ADCY3: variants seen among roughly 807,000 people sequenced by gnomAD.
ADCY3 encodes the protein adenylate cyclase 3, also known as adenylate cyclase type 3.
A neutral mutation model predicts 119.4 loss-of-function variants in ADCY3; 70 were observed. The observed-to-expected ratio is 0.59, with a 90% CI of 0.48 to 0.72. The LOEUF (loss-of-function observed/expected upper bound fraction) is 0.72, where lower values mean the gene tolerates loss of function less well. ADCY3 is among the 30% of genes least tolerant of loss of function. The probability of loss-of-function intolerance (pLI) is 0.00; values close to 1 mark genes in which losing one functional copy is unlikely to be tolerated. For missense variants in ADCY3, 1,238 were observed against 1,541.6 expected (o/e 0.80, Z 3.30); for synonymous variants, 672 against 621.4 (o/e 1.08, Z -1.21).
At chr2:24,850,043 C>T (rs1672113206) in intron 3 of ADCY3, among the ~76,000 whole-genome samples, 1 of 152,126 alleles carries the variant, frequency 6.6e-6, no homozygotes, top group African/African-American at 2.4e-5. Flanking sequence ...CTTCTCGGTA[C>T]CCCTCCCTGT....
At chr2:24,863,913 G>T (rs1673982415) in intron 3 of ADCY3, among the ~76,000 whole-genome samples, 1 of 152,106 alleles carries the variant, frequency 6.6e-6, no homozygotes, top group Non-Finnish European at 1.5e-5. Flanking sequence ...AAAGCAATGA[G>T]GTATTTTCTA....
At chr2:24,859,134 T>C (rs376022154) in intron 3 of ADCY3, among the ~76,000 whole-genome samples, 1 of 152,224 alleles carries the variant, frequency 6.6e-6, no homozygotes, top group Non-Finnish European at 1.5e-5. Flanking sequence ...TGGGTGGTTC[T>C]GTGAAGAAGA....
chr2:24,861,250 CAAAAAAA>C (rs67641689), intron 3 of ADCY3, among the ~76,000 whole-genome samples: 2 of 113,424 alleles, frequency 1.8e-5, no homozygotes, highest in African/African-American at 6.4e-5. Flanking sequence ...GACTCCATCT[CAAAAAAA>C]AAAAAAAAAA....
At chr2:24,831,925 C>T (rs567264257) in intron 11 of ADCY3, among the ~76,000 whole-genome samples, 176 bp from the exon 12 acceptor site, 2,122 of 30,200 alleles carry the variant, frequency 0.07, 91 homozygotes, top group African/African-American at 0.17. Flanking sequence ...CAGGGGACAG[C>T]GGACAGTGGC....
Position 24,827,607 on chromosome 2 carries a change from A to G in ADCY3, c.2434T>C (p.Leu812=). 1 of 1,584,516 alleles carries G rather than the reference A, an allele frequency of 6.3e-7. No individual in the cohort carries two copies. The highest frequency in any genetic ancestry group is 1.3e-5 in the African/African-American group (1 of 74,466). ...ATCTGCTCTAAGGCCACCATAGGTAAGCTGTTGGACAGATAACAGCACAGT... is the reference window on the plus strand; with the variant it reads ...ATCTGCTCTAAGGCCACCATAGGTAGGCTGTTGGACAGATAACAGCACAGT... The part of the protein sequence containing the change: ...YDHKRFREHD[L]PMVALEQMQG... The change falls in exon 15 of 22, where the codon TTA becomes CTA. Residue 812 remains leucine (L), a splice_region_variant and synonymous_variant. Coordinates refer to ENST00000679454, the MANE Select transcript of ADCY3 (RefSeq NM_004036.5).
In ADCY3 at chr2:24,841,417, G is replaced by GC. The variant is rs1340830281; in HGVS notation, c.1069-32dup. 4 of 1,608,094 alleles carry GC rather than the reference G, an allele frequency of 2.5e-6. No homozygotes were observed. Among genetic ancestry groups the GC allele is most frequent in the Admixed American group, 1.7e-5 (1 of 59,188 alleles). Reference sequence around the variant, plus strand: ...AGGGGAGGGCCTGGCCTGTGCTCCAGCCCCTCCTCAGTGAGGGAGGAGTGG... The same window carrying GC: ...AGGGGAGGGCCTGGCCTGTGCTCCAGCCCCCTCCTCAGTGAGGGAGGAGTGG... On this transcript the variant is annotated intron_variant, in intron 5 of 21. Transcript: ENST00000679454. The surrounding 1 kb of genome is among the most constrained non-coding windows in gnomAD (Gnocchi z 5.8).
chr2:24,916,727 T>G (rs55701159), intron 2 of ADCY3, among the ~76,000 whole-genome samples: 15,864 of 151,270 alleles, frequency 0.1, 884 homozygotes, highest in South Asian at 0.19. Context: ...CCTGAAGAGA[T>G]ATGACTGGTG....
At chr2:24,862,545 C>CAAAA (rs3037308) in intron 3 of ADCY3, among the ~76,000 whole-genome samples, 6 of 139,368 alleles carry the variant, frequency 4.3e-5, no homozygotes, top group African/African-American at 1.6e-4. Flanking sequence ...GACTCCGCCT[C>CAAAA]AAAAAAAAAA....
At chr2:24,864,231 G>A (rs186009492) in intron 3 of ADCY3, among the ~76,000 whole-genome samples, 7 of 152,336 alleles carry the variant, frequency 4.6e-5, no homozygotes, top group Admixed American at 1.3e-4. Flanking sequence ...GGAAGCTGCA[G>A]TGAGCTGAGA....
chr2:24,859,445 G>A (rs943491888), intron 3 of ADCY3, among the ~76,000 whole-genome samples: 32 of 152,168 alleles, frequency 2.1e-4, no homozygotes, highest in African/African-American at 7.7e-4. Context: ...AGGCCAAGAG[G>A]CAACTGGCCT....
In ADCY3 at chr2:24,898,754, C is replaced by T. The variant is rs1009329319; in HGVS notation, c.675+19559G>A. 2.0e-5 allele frequency among the ~76,000 whole-genome samples: 3 copies of T among 152,212 alleles called. No individual in the cohort carries two copies. The highest frequency in any genetic ancestry group is 2.1e-4 in the South Asian group (1 of 4,820). On this transcript the variant is annotated intron_variant, in intron 2 of 21. Coordinates refer to ENST00000679454, the MANE Select transcript of ADCY3 (RefSeq NM_004036.5). The surrounding 1 kb of genome is among the most constrained non-coding windows in gnomAD (Gnocchi z 4.3). ...CTTGCCTGGGGAAGCCTGGGAGGTT[C>T]GGGGAAGCAAACAGAATTCCTAAGA...
At chr2:24,831,128 G>A (rs1156825137) in intron 12 of ADCY3, among the ~76,000 whole-genome samples, 10 of 152,054 alleles carry the variant, frequency 6.6e-5, no homozygotes, top group South Asian at 2.1e-4. Context: ...AGGGCTGCTC[G>A]TCTCTGGCCA....
rs1034235872 is a variant in ADCY3 at position 24,841,865 on chromosome 2, T to G, written c.957-198A>C. Reference sequence around the variant, plus strand: ...GACCTTGCACTTGTCCTAGCAGACTTCCCCTGCAGGCCTCCCTCCCTGTGG... The same window carrying G: ...GACCTTGCACTTGTCCTAGCAGACTGCCCCTGCAGGCCTCCCTCCCTGTGG... On this transcript the variant is annotated intron_variant, in intron 4 of 21. Coordinates refer to ENST00000679454, the MANE Select transcript of ADCY3 (RefSeq NM_004036.5). The surrounding 1 kb of genome is among the most constrained non-coding windows in gnomAD (Gnocchi z 5.8). 5.3e-5 allele frequency among the ~76,000 whole-genome samples: 8 copies of G among 152,010 alleles called. No individual in the cohort carries two copies. Among genetic ancestry groups the G allele is most frequent in the African/African-American group, 1.7e-4 (7 of 41,360 alleles).
Position 24,918,828 on chromosome 2 carries a change from G to A in ADCY3, c.160C>T (p.Arg54Trp). ...GSCLCLPRFM[R>W]LTFVPESLEN... ...AAGGACTCCGGCACGAAAGTCAGCC[G>A]CATGAAGCGAGGCAGGCACAGGCAG... The change falls in exon 2 of 22, where the codon CGG becomes TGG. Residue 54 changes from arginine (R) to tryptophan (W), a missense_variant. Around this residue, in one of 7 missense-constraint regions of ADCY3, gnomAD observed 227 missense variants for 249.3 expected, o/e 0.91. Coordinates refer to ENST00000679454, the MANE Select transcript of ADCY3 (RefSeq NM_004036.5). This position sits in a 1 kb window ranked among gnomAD's most constrained non-coding sequence, Gnocchi z 5.4. 1.2e-6 allele frequency: 2 copies of A among 1,613,692 alleles called. No homozygotes were observed. Among genetic ancestry groups the A allele is most frequent in the Non-Finnish European group, 1.7e-6 (2 of 1,180,038 alleles).
intron 3 of ADCY3, among the ~76,000 whole-genome samples, chr2:24,858,960 C>T (rs1673321220): frequency 6.6e-6 from 1 of 152,202 alleles, no homozygotes; most frequent in Non-Finnish European, 1.5e-5. Context: ...TTGCTAAGTC[C>T]TGGAATGTTG....
At chr2:24,823,063 C>T (rs1668024356) in intron 18 of ADCY3, 146 bp downstream of exon 18, 1 of 1,057,788 alleles carries the variant, frequency 9.5e-7, no homozygotes, top group Non-Finnish European at 1.3e-6. Context: ...CCAGCAGTTC[C>T]AGGTGGCTGC....
At position 24,819,884 on chromosome 2, in the gene ADCY3, A is replaced by G. The variant is rs777248298; in HGVS notation, c.*48T>C. ...AGGTCGGGACTTCCTTCAGTTTCAA[A>G]AAATAAATTCTCCCTTCCGGTTTGG... On this transcript the variant is annotated 3_prime_UTR_variant, in exon 22 of 22. Coordinates refer to ENST00000679454, the MANE Select transcript of ADCY3 (RefSeq NM_004036.5). The G allele has an allele frequency of 6.3e-7, 1 of 1,589,606 alleles. No individual in the cohort carries two copies. The highest frequency in any genetic ancestry group is 8.6e-7 in the Non-Finnish European group (1 of 1,166,564).
At position 24,873,863 on chromosome 2, in the gene ADCY3, C is replaced by T. The variant is rs974991502; in HGVS notation, c.676-1144G>A. 2.0e-5 allele frequency among the ~76,000 whole-genome samples: 3 copies of T among 152,308 alleles called. No individual in the cohort carries two copies. In the East Asian group the frequency reaches 5.8e-4, roughly 29 times the overall value. Reference sequence around the variant, plus strand: ...CCTGCTAGGTGTGGTTTCTCGGAACCGAGTTTGGAGTTGAGAAATGAGATG... The same window carrying T: ...CCTGCTAGGTGTGGTTTCTCGGAACTGAGTTTGGAGTTGAGAAATGAGATG... On this transcript the variant is annotated intron_variant, in intron 2 of 21. Coordinates refer to ENST00000679454, the MANE Select transcript of ADCY3 (RefSeq NM_004036.5).
intron 2 of ADCY3, among the ~76,000 whole-genome samples, chr2:24,884,634 G>A (rs753506788): frequency 1.4e-4 from 22 of 151,792 alleles, no homozygotes; most frequent in Non-Finnish European, 2.5e-4. Flanking sequence ...CCGCCACCAC[G>A]CCCGGCTAAT....
Sources: allele counts gnomAD v4.1 joint callset (sites outside exome capture counted in the v4.1 genomes callset), GRCh38; gene constraint gnomAD v4.1.1; regional missense constraint gnomAD v4.1.1; non-coding constraint Gnocchi (gnomAD v3.1); transcripts MANE v1.5; gene names NCBI Gene and HGNC (gene_info 2026-07-23, HGNC 2026-07-21).